RGS5: variants seen among roughly 807,000 people sequenced by gnomAD.
The protein encoded by RGS5 is regulator of G-protein signalling 5.
A neutral mutation model predicts 18.9 loss-of-function variants in RGS5; 20 were observed. The ratio of observed to expected loss-of-function variants is 1.06; its 90% confidence interval spans 0.74 to 1.54. The LOEUF is 1.54. Ranked by LOEUF, RGS5 falls within the 40% of genes most tolerant of loss-of-function variation. The probability of loss-of-function intolerance (pLI) is 0.00; values close to 1 mark genes in which losing one functional copy is unlikely to be tolerated. For missense variants in RGS5, 201 were observed against 211.8 expected, an observed-to-expected ratio of 0.95 and a Z score of 0.32; for synonymous variants, 57 against 76.2, an observed-to-expected ratio of 0.75 and a Z score of 1.31.
chr1:163,168,613 T>C (rs928506758), intron 1 of RGS5, among the ~76,000 whole-genome samples: 1 of 152,212 alleles, frequency 6.6e-6, no homozygotes, highest in African/African-American at 2.4e-5. Context: ...TATTGTTTTA[T>C]ATGTGTTCTC....
chr1:163,270,633 G>A (rs1242421609), intron 2 of RGS5, among the ~76,000 whole-genome samples: 3 of 152,122 alleles, frequency 2.0e-5, no homozygotes, highest in African/African-American at 4.8e-5. Context: ...AGATTACTGA[G>A]AAAATAAATA....
rs142702737 is a variant in RGS5 at position 163,175,493 on chromosome 1, T to C, written c.45-7125A>G. On this transcript the variant is annotated intron_variant, in intron 1 of 4. Coordinates refer to ENST00000313961, the MANE Select transcript of RGS5 (RefSeq NM_003617.4). ...AGTATAAGAATATGCTAGTGGAAAG[T>C]CGGCTCAGTTCTGGGGCTGAAATCC... Among the ~76,000 whole-genome samples, 1,124 of 152,208 alleles carry C rather than the reference T, an allele frequency of 7.4e-3. 13 individuals carry two copies. Among genetic ancestry groups the C allele is most frequent in the African/African-American group, 0.026 (1,061 of 41,524 alleles).
intron 2 of RGS5, among the ~76,000 whole-genome samples, chr1:163,278,367 T>C (rs1648909284): frequency 1.3e-5 from 2 of 152,128 alleles, no homozygotes; most frequent in South Asian, 2.1e-4. Flanking sequence ...AAAAGTACTA[T>C]ACCCAACAAA....
At chr1:163,221,488 A>AAATC (rs531668371), upstream of RGS5, among the ~76,000 whole-genome samples, 8,813 of 147,556 alleles carry the variant, frequency 0.06, 276 homozygotes, top group East Asian at 0.12. Context: ...TACATCTCAA[A>AAATC]AATCAATCAA....
intron 2 of RGS5, among the ~76,000 whole-genome samples, chr1:163,254,829 G>A (rs1648224621): frequency 6.6e-6 from 1 of 151,414 alleles, no homozygotes; most frequent in Non-Finnish European, 1.5e-5. Flanking sequence ...TTTGTATAAG[G>A]TGTAAGGAAG....
chr1:163,211,729 C>T (rs1342657138), intron 1 of RGS5: 1 of 151,674 alleles, frequency 6.6e-6, no homozygotes, highest in African/African-American at 2.4e-5. Context: ...TGCTTTTTGC[C>T]TCTGGATAAT....
chr1:163,319,000 C>A (rs985190840), intron 1 of RGS5: 1 of 152,134 alleles, frequency 6.6e-6, no homozygotes, highest in Admixed American at 6.6e-5. Flanking sequence ...GAATGGGTGC[C>A]TGATGGGAAG....
At chr1:163,309,395 C>T (rs562398889) in intron 1 of RGS5, among the ~76,000 whole-genome samples, 2 of 152,296 alleles carry the variant, frequency 1.3e-5, no homozygotes, top group East Asian at 3.9e-4. Flanking sequence ...TCAAACCCTG[C>T]CACTGCTTTA....
chr1:163,210,895 C>T (rs945466653), intron 1 of RGS5: 2 of 152,204 alleles, frequency 1.3e-5, no homozygotes, highest in African/African-American at 2.4e-5. Flanking sequence ...CTACTGTATA[C>T]ACTGGCTTTT....
chr1:163,195,599 AAT>A (rs1029323325), intron 1 of RGS5, among the ~76,000 whole-genome samples: 1 of 151,768 alleles, frequency 6.6e-6, no homozygotes, highest in South Asian at 2.1e-4. Flanking sequence ...AATAATTTAA[AAT>A]ATATATATAT....
chr1:163,229,700 C>T (rs115934680), intron 2 of RGS5, among the ~76,000 whole-genome samples: 4,436 of 152,294 alleles, frequency 0.029, 92 homozygotes, highest in African/African-American at 0.054. Flanking sequence ...ATGGCTGTCT[C>T]TCTCACCTCC....
Position 163,147,426 on chromosome 1 carries a change from G to A in RGS5, c.462C>T (p.Ala154=). 6.2e-7 allele frequency: 1 copy of A among 1,613,120 alleles called. No homozygotes were observed. The highest frequency in any genetic ancestry group is 8.5e-7 in the Non-Finnish European group (1 of 1,179,460). ...VEPSLSSFDM[A]QKRIHALMEK... ...CCATCAGGGCATGGATTCTTTTCTG[G>A]GCCATGTCAAAGCTGCTCAGGGAAG... Residue 154 remains alanine, a synonymous_variant, in exon 5 of 5, where the codon GCC becomes GCT. Transcript: ENST00000313961.
chr1:163,191,217 A>G (rs2815269), intron 1 of RGS5, among the ~76,000 whole-genome samples: 7,713 of 152,226 alleles, frequency 0.051, 611 homozygotes, highest in African/African-American at 0.17. Context: ...GGGCAGGAAC[A>G]TAGCTGGCAA....
At chr1:163,172,525 C>T (rs894891410) in intron 1 of RGS5, 27 of 1,541,792 alleles carry the variant, frequency 1.8e-5, no homozygotes, top group South Asian at 2.4e-5. Flanking sequence ...AAGAGAAAAT[C>T]GTATTCCATT....
At chr1:163,181,545 C>T (rs544450012) in intron 1 of RGS5, among the ~76,000 whole-genome samples, 15 of 152,268 alleles carry the variant, frequency 9.9e-5, no homozygotes, top group South Asian at 2.1e-4. Flanking sequence ...TCCAAGTTCT[C>T]GTGGCCAGTA....
At chr1:163,214,909 C>T (rs1270738175) in intron 1 of RGS5, among the ~76,000 whole-genome samples, 2 of 152,094 alleles carry the variant, frequency 1.3e-5, no homozygotes, top group African/African-American at 4.8e-5. Flanking sequence ...ACAAAGAAAT[C>T]ATTGTAGGTG....
chr1:163,304,595 T>C (rs776142139), intron 2 of RGS5: 2 of 152,242 alleles, frequency 1.3e-5, no homozygotes, highest in Non-Finnish European at 2.9e-5. Context: ...GTAAAGTACT[T>C]CTCTGGCTGA....
chr1:163,300,387 G>T (rs916545835), intron 2 of RGS5: 1 of 152,288 alleles, frequency 6.6e-6, no homozygotes, highest in East Asian at 1.9e-4. Flanking sequence ...ACGATTGATC[G>T]TATTTCTATC....
chr1:163,232,229 C>G (rs767642491), intron 2 of RGS5, among the ~76,000 whole-genome samples: 4 of 152,052 alleles, frequency 2.6e-5, no homozygotes, highest in Non-Finnish European at 5.9e-5. Context: ...TGTCAATTGT[C>G]CATTTAAAGT....
Sources: allele counts gnomAD v4.1 joint callset (sites outside exome capture counted in the v4.1 genomes callset), GRCh38; gene constraint gnomAD v4.1.1; transcripts MANE v1.5; gene names NCBI Gene and HGNC (gene_info 2026-07-23, HGNC 2026-07-21).